FHIT: variants seen among roughly 807,000 people sequenced by gnomAD.
FHIT encodes the protein fragile histidine triad diadenosine triphosphatase.
FHIT carries 19 observed loss-of-function variants against 17.9 expected under a neutral mutation model. The ratio of observed to expected loss-of-function variants is 1.06; its 90% CI spans 0.74 to 1.56. The LOEUF is 1.56. Ranked by LOEUF, FHIT falls within the 40% of genes most tolerant of loss-of-function variation. The pLI is 0.00. For synonymous variants in FHIT, 81 were observed against 69.7 expected (o/e 1.16, Z -0.81); for missense variants, 248 against 189.2 (o/e 1.31, Z -1.82).
intron 4 of FHIT, among the ~76,000 whole-genome samples, chr3:60,808,794 G>C (rs1344248138): frequency 3.3e-5 from 5 of 152,138 alleles, no homozygotes; most frequent in Non-Finnish European, 4.4e-5. Context: ...TCTCCCCCCT[G>C]ATTTCTTAGA....
At chr3:60,276,143 AG>A (rs1398136602) in intron 5 of FHIT, among the ~76,000 whole-genome samples, 1 of 152,002 alleles carries the variant, frequency 6.6e-6, no homozygotes, top group Non-Finnish European at 1.5e-5. Flanking sequence ...ACCCGCCACC[AG>A]GCTGGCTAAT....
intron 5 of FHIT, among the ~76,000 whole-genome samples, chr3:60,227,841 T>C (rs1231244678): frequency 1.3e-5 from 2 of 152,210 alleles, no homozygotes; most frequent in African/African-American, 4.8e-5. Context: ...CTGACACTCA[T>C]ACAGAGCTGA....
chr3:60,079,708 T>C (rs1703193205), intron 5 of FHIT, among the ~76,000 whole-genome samples: 1 of 152,104 alleles, frequency 6.6e-6, no homozygotes. Context: ...AGCTCTTCCT[T>C]ACTTCACCAC....
chr3:60,236,095 A>G (rs140805073), intron 5 of FHIT, among the ~76,000 whole-genome samples: 80 of 152,082 alleles, frequency 5.3e-4, no homozygotes, highest in East Asian at 2.7e-3. Context: ...CATCTTCTCT[A>G]TCTTTCAACA....
intron 4 of FHIT, among the ~76,000 whole-genome samples, chr3:60,808,058 C>A (rs1290552736): frequency 6.6e-6 from 1 of 152,136 alleles, no homozygotes; most frequent in Non-Finnish European, 1.5e-5. Context: ...CATCTATTGA[C>A]CTCAGAGACA....
intron 5 of FHIT, among the ~76,000 whole-genome samples, chr3:60,384,982 A>G (rs1159555124): frequency 1.3e-5 from 2 of 152,314 alleles, no homozygotes; most frequent in African/African-American, 4.8e-5. Context: ...AGTAATAGGC[A>G]TGGCCTTCTA....
chr3:60,875,284 C>G (rs1704592013), intron 3 of FHIT, among the ~76,000 whole-genome samples: 1 of 152,090 alleles, frequency 6.6e-6, no homozygotes, highest in South Asian at 2.1e-4. Flanking sequence ...TACTGGATTC[C>G]CCATCCTAGA....
chr3:60,039,639 G>A lies in FHIT; in HGVS notation c.104-25487C>T, dbSNP rs1204596569. ...TCAATTTCTCTTATTTTTCTATACTGTTATAATAGAAATAATGTAATAACA... is the reference window on the plus strand; with the variant it reads ...TCAATTTCTCTTATTTTTCTATACTATTATAATAGAAATAATGTAATAACA... On this transcript the variant is annotated intron_variant, in intron 5 of 9. Transcript: ENST00000492590. Among the ~76,000 whole-genome samples, 3 of 152,140 alleles carry A rather than the reference G, an allele frequency of 2.0e-5. No individual in the cohort carries two copies. In the East Asian group the frequency reaches 5.8e-4, roughly 29 times the overall value.
intron 3 of FHIT, among the ~76,000 whole-genome samples, chr3:60,937,650 A>G (rs1319949946): frequency 8.9e-5 from 12 of 135,104 alleles, no homozygotes; most frequent in African/African-American, 3.0e-4. Flanking sequence ...TGCAACCTCC[A>G]CCTCCTAGGT....
rs114391459 is a variant in FHIT, at chr3:60,229,775, T to C, written c.104-215623A>G. Among the ~76,000 whole-genome samples, 754 of 152,312 alleles carry C rather than the reference T, an allele frequency of 5.0e-3. 4 individuals carry two copies. Among genetic ancestry groups the C allele is most frequent in the Non-Finnish European group, 7.6e-3 (514 of 68,020 alleles). On this transcript the variant is annotated intron_variant, in intron 5 of 9. Coordinates refer to ENST00000492590, the MANE Select transcript of FHIT (RefSeq NM_002012.4). ...AAGGTGAGAGGATCATGGCCAGGCA[T>C]TGAAGACTGGCCTGGGAAATAAAGC... is the stretch of plus-strand genomic sequence containing the variant.
intron 5 of FHIT, among the ~76,000 whole-genome samples, chr3:60,431,669 A>G (rs1702911243): frequency 6.6e-6 from 1 of 152,082 alleles, no homozygotes; most frequent in Non-Finnish European, 1.5e-5. Context: ...CCATCTTACC[A>G]AAGTCGGGAG....
At chr3:59,756,216 T>A (rs896834857) in intron 8 of FHIT, among the ~76,000 whole-genome samples, 1 of 152,144 alleles carries the variant, frequency 6.6e-6, no homozygotes, top group Non-Finnish European at 1.5e-5. Context: ...TGGACCTAAC[T>A]AACTACTTTG....
intron 4 of FHIT, among the ~76,000 whole-genome samples, chr3:60,627,757 C>T (rs782182036): frequency 6.6e-6 from 1 of 152,158 alleles, no homozygotes; most frequent in Non-Finnish European, 1.5e-5. Flanking sequence ...CTCCTGACCA[C>T]GTGATCCGCC....
intron 3 of FHIT, among the ~76,000 whole-genome samples, chr3:61,017,712 G>GATA (rs2032191520): frequency 6.6e-6 from 1 of 152,174 alleles, no homozygotes; most frequent in African/African-American, 2.4e-5. Context: ...GATATGCTGA[G>GATA]ATAACATTGT....
intron 4 of FHIT, among the ~76,000 whole-genome samples, chr3:60,588,644 AT>A (rs1168411233): frequency 6.6e-6 from 1 of 151,796 alleles, no homozygotes; most frequent in Non-Finnish European, 1.5e-5. Flanking sequence ...CGTGACTATA[AT>A]TTTTTTAATT....
At chr3:60,780,153 G>A (rs1700336707) in intron 4 of FHIT, among the ~76,000 whole-genome samples, 1 of 152,184 alleles carries the variant, frequency 6.6e-6, no homozygotes, top group South Asian at 2.1e-4. Context: ...TTCTAGATGG[G>A]TAGCCATTCA....
chr3:60,657,820 C>T (rs1461268988), intron 4 of FHIT, among the ~76,000 whole-genome samples: 3 of 152,180 alleles, frequency 2.0e-5, no homozygotes, highest in Non-Finnish European at 1.5e-5. Context: ...GGTTTAATCA[C>T]ATGGCCTGCC....
At chr3:60,412,475 G>C (rs532230252) in intron 5 of FHIT, among the ~76,000 whole-genome samples, 3 of 151,830 alleles carry the variant, frequency 2.0e-5, no homozygotes, top group African/African-American at 7.3e-5. Context: ...CCTCTCTTAC[G>C]CATTTCCCTC....
chr3:60,328,455 C>A (rs548085477), intron 5 of FHIT, among the ~76,000 whole-genome samples: 27 of 152,262 alleles, frequency 1.8e-4, no homozygotes, highest in Non-Finnish European at 2.9e-4. Flanking sequence ...TGACAGCAAG[C>A]AAGAGAGCGT....
Sources: allele counts gnomAD v4.1 joint callset (sites outside exome capture counted in the v4.1 genomes callset), GRCh38; gene constraint gnomAD v4.1.1; transcripts MANE v1.5; gene names NCBI Gene and HGNC (gene_info 2026-07-23, HGNC 2026-07-21).